FAM161B: variants seen among roughly 807,000 people sequenced by gnomAD.
The protein encoded by FAM161B is protein FAM161B.
FAM161B carries 46 observed loss-of-function variants against 61.5 expected under a neutral mutation model. The ratio of observed to expected loss-of-function variants is 0.75; its 90% confidence interval spans 0.59 to 0.96. The LOEUF (loss-of-function observed/expected upper bound fraction) is 0.96, where lower values mean the gene tolerates loss of function less well. FAM161B is among the 40% of genes least tolerant of loss of function. The pLI is 0.00. For synonymous variants in FAM161B, 284 were observed against 302.7 expected (o/e 0.94, Z 0.64); for missense variants, 774 against 800.7 (o/e 0.97, Z 0.40).
intron 3 of FAM161B, among the ~76,000 whole-genome samples, chr14:73,943,647 C>T (rs1411113316): frequency 6.6e-6 from 1 of 152,226 alleles, no homozygotes; most frequent in African/African-American, 2.4e-5. Context: ...CCCACTTTCT[C>T]AGGGGACCTT....
At position 73,934,003 on chromosome 14, in the gene FAM161B, G is replaced by T; in HGVS notation, c.*253C>A. The stretch of plus-strand genomic sequence containing the variant: ...CGCCCAGCTAATTTTTGTATTTTTA[G>T]TAGAGGTGGAGTTTTGCCGTGTTGG... On this transcript the variant is annotated 3_prime_UTR_variant, in exon 9 of 9. Transcript: ENST00000286544. 2.9e-6 allele frequency: 1 copy of T among 339,010 alleles called. No homozygotes were observed. Among genetic ancestry groups the T allele is most frequent in the Non-Finnish European group, 5.4e-6 (1 of 185,702 alleles). The allele number at this position is 339,010 out of a possible 1,614,324, so 21.0% of individuals were successfully genotyped here.
chr14:73,931,963 T>A, downstream of FAM161B: 1 of 456,832 alleles, frequency 2.2e-6, no homozygotes, highest in Non-Finnish European at 4.4e-6. Context: ...CACCAGGAAG[T>A]TGAGTTTTCA....
At chr14:73,930,632 C>G (rs905227398), downstream of FAM161B, among the ~76,000 whole-genome samples, 12 of 152,020 alleles carry the variant, frequency 7.9e-5, no homozygotes, top group Admixed American at 1.3e-4. Flanking sequence ...CAGTCTCAGT[C>G]TGTCACTCAG....
At chr14:73,939,418 C>T (rs1317943222) in intron 5 of FAM161B, among the ~76,000 whole-genome samples, 1 of 152,182 alleles carries the variant, frequency 6.6e-6, no homozygotes, top group Non-Finnish European at 1.5e-5. Context: ...GAACCAAGTA[C>T]CATTACATTT....
chr14:73,936,007 T>C lies in FAM161B; in HGVS notation c.1747A>G (p.Lys583Glu), dbSNP rs1212778485. Residue 583 changes from lysine to glutamate, a missense_variant, in exon 8 of 9, where the codon AAG (lysine) becomes GAG (glutamate). By Grantham distance (56) the Lys-to-Glu change is moderately conservative. Coordinates refer to ENST00000286544, the MANE Select transcript of FAM161B (RefSeq NM_152445.3). Reference protein sequence around the residue: ...AGLEEDFVRNKGQGTRAVQEK... With the variant: ...AGLEEDFVRNEGQGTRAVQEK... ...TGAACAGCCCGGGTGCCTTGACCCT[T>C]GTTTCTCACAAAGTCTTCCTCCAGC... 1.2e-6 allele frequency: 2 copies of C among 1,613,728 alleles called. No individual in the cohort carries two copies. Among genetic ancestry groups the C allele is most frequent in the Non-Finnish European group, 1.7e-6 (2 of 1,179,850 alleles).
chr14:73,938,452 C>T lies in FAM161B; in HGVS notation c.1401-340G>A, dbSNP rs567207309. On this transcript the variant is annotated intron_variant, in intron 5 of 8. Transcript: ENST00000286544. ...CCAGCCTGGGCGACAGATCAAATTC[C>T]GTCTCAAAAATAATAATAATAATAA... Among the ~76,000 whole-genome samples the T allele has an allele frequency of 7.9e-5, 12 of 151,178 alleles. No homozygotes were observed. The East Asian group carries it at 1.4e-3, about 17-fold the overall frequency.
In FAM161B at chr14:73,941,032, T is replaced by G; in HGVS notation, c.1294A>C (p.Thr432Pro). ...RRQDSPQPPA[T>P]PLPRSRSLSG... is the part of the protein sequence containing the mutation. ...AGAGAACGACTCCTTGGCAGGGGTG[T>G]AGCTGGTGGCTGTGGGGAATCCTAG... Residue 432 changes from threonine (T) to proline (P), a missense_variant, in exon 5 of 9, where the codon ACA becomes CCA. Physicochemically the swap from Thr to Pro is conservative, Grantham distance 38 (BLOSUM62 -1). Transcript: ENST00000286544. 2 of 1,612,490 alleles carry G rather than the reference T, an allele frequency of 1.2e-6. No individual in the cohort carries two copies. Among genetic ancestry groups the G allele is most frequent in the South Asian group, 1.1e-5 (1 of 91,040 alleles).
intron 1 of FAM161B, among the ~76,000 whole-genome samples, chr14:73,947,081 C>T (rs2056073440): frequency 6.6e-6 from 1 of 152,100 alleles, no homozygotes; most frequent in Non-Finnish European, 1.5e-5. Context: ...AGCTAATTTG[C>T]ACTCTGTCAA....
intron 6 of FAM161B, 69 bp downstream of exon 6, chr14:73,937,879 C>T: frequency 6.3e-7 from 1 of 1,593,642 alleles, no homozygotes; most frequent in Non-Finnish European, 8.5e-7. Flanking sequence ...TTTGCATTTT[C>T]TGGCAATAGG....
chr14:73,945,462 T>G (rs569154918), intron 2 of FAM161B, among the ~76,000 whole-genome samples: 4 of 152,304 alleles, frequency 2.6e-5, no homozygotes, highest in African/African-American at 9.6e-5. Flanking sequence ...TTTTTTGAGA[T>G]GGAGTCTTGT....
intron 1 of FAM161B, among the ~76,000 whole-genome samples, chr14:73,949,044 G>A (rs528709371): frequency 2.6e-5 from 4 of 152,036 alleles, no homozygotes; most frequent in African/African-American, 7.2e-5. Flanking sequence ...TCAGCCTCCC[G>A]AGTAGCTAGG....
intron 5 of FAM161B, 127 bp from the exon 6 acceptor site, chr14:73,938,239 A>C (rs1432258349): frequency 9.5e-7 from 1 of 1,047,206 alleles, no homozygotes; most frequent in Non-Finnish European, 1.4e-6. Flanking sequence ...CAGGTGGATC[A>C]CCTGAGGTCA....
chr14:73,931,887 T>G, downstream of FAM161B: 1 of 451,344 alleles, frequency 2.2e-6, no homozygotes, highest in Non-Finnish European at 4.5e-6. Context: ...TTTGAAGAGT[T>G]TTCATCCCAG....
intron 3 of FAM161B, among the ~76,000 whole-genome samples, chr14:73,943,758 G>T (rs996541190): frequency 2.6e-5 from 4 of 152,106 alleles, no homozygotes; most frequent in African/African-American, 4.8e-5. Flanking sequence ...CGCCACATTT[G>T]TATGTATTTG....
At chr14:73,930,655 T>C (rs1407386793), downstream of FAM161B, among the ~76,000 whole-genome samples, 5 of 151,530 alleles carry the variant, frequency 3.3e-5, 1 homozygote, top group South Asian at 1.0e-3. Flanking sequence ...TGGAGTGCAG[T>C]GCAGTGGCAT....
At chr14:73,940,591 AC>A (rs764579731) in intron 5 of FAM161B, among the ~76,000 whole-genome samples, 2 of 150,154 alleles carry the variant, frequency 1.3e-5, no homozygotes, top group African/African-American at 2.5e-5. Flanking sequence ...AGTCCCCTTT[AC>A]CCCCCATCAT....
chr14:73,941,760 C>T lies in FAM161B; in HGVS notation c.1272+609G>A, dbSNP rs549245323. 1.1e-4 allele frequency among the ~76,000 whole-genome samples: 17 copies of T among 152,096 alleles called. No homozygotes were observed. In the South Asian group the frequency reaches 2.1e-3, roughly 19 times the overall value. The stretch of plus-strand genomic sequence containing the variant: ...CACTCTTGTTGTCCAGGCTGGCCTG[C>T]GGTGGCACAATCTCAGCTCACTGCA... On this transcript the variant is annotated intron_variant, in intron 4 of 8. Transcript: ENST00000286544.
At chr14:73,937,527 A>G in intron 7 of FAM161B, 75 bp downstream of exon 7, 7 of 1,428,090 alleles carry the variant, frequency 4.9e-6, no homozygotes, top group Non-Finnish European at 6.8e-6. Flanking sequence ...ATACCCACAT[A>G]TTAAAATTGT....
the FAM161B span, among the ~76,000 whole-genome samples, chr14:73,925,491 G>A: frequency 3.3e-5 from 5 of 151,520 alleles, no homozygotes; most frequent in Admixed American, 6.6e-5. Context: ...GCAGTGGTGC[G>A]ATCTCAGCTC....
Sources: gnomAD v4.1 joint callset for allele counts (sites outside exome capture counted in the v4.1 genomes callset) on GRCh38, gnomAD v4.1.1 for gene constraint, MANE v1.5 for transcripts, NCBI Gene and HGNC (gene_info 2026-07-23, HGNC 2026-07-21) for gene names.